Variants in MYBPC1 observed in about 807,000 individuals in gnomAD.
The protein encoded by MYBPC1 is myosin binding protein C1.
A neutral mutation model predicts 147.1 loss-of-function variants in MYBPC1; 52 were observed. The ratio of observed to expected loss-of-function variants is 0.35; its 90% confidence interval spans 0.28 to 0.45. MYBPC1 has a LOEUF of 0.45. MYBPC1 is among the 20% of genes least tolerant of loss of function. The pLI, the probability that MYBPC1 is intolerant of heterozygous loss-of-function variation, is 1.00. For synonymous variants in MYBPC1, 477 were observed against 475.9 expected (o/e 1.00, Z -0.03); for missense variants, 1,228 against 1,440.3 (o/e 0.85, Z 2.39).
At chr12:101,668,744 C>T (rs981251324) in intron 23 of MYBPC1, among the ~76,000 whole-genome samples, 2 of 152,096 alleles carry the variant, frequency 1.3e-5, no homozygotes, top group African/African-American at 4.8e-5. Context: ...GGATTACAGG[C>T]GTGAGCCACC....
At chr12:101,627,961 G>A (rs1194342717) in intron 5 of MYBPC1, 157 bp downstream of exon 5, 1 of 860,924 alleles carries the variant, frequency 1.2e-6, no homozygotes, top group Non-Finnish European at 1.9e-6. Flanking sequence ...GAAAACTAAT[G>A]TATTGAGAAA....
chr12:101,608,814 C>T (rs1159774114), intron 1 of MYBPC1, among the ~76,000 whole-genome samples: 4 of 152,148 alleles, frequency 2.6e-5, no homozygotes, highest in Non-Finnish European at 5.9e-5. Context: ...AAATGGAAGA[C>T]ATGTGTTGAC....
chr12:101,604,872 T>C (rs1179155084), intron 1 of MYBPC1, among the ~76,000 whole-genome samples: 1 of 152,226 alleles, frequency 6.6e-6, no homozygotes, highest in Non-Finnish European at 1.5e-5. Flanking sequence ...AGGTAATTAA[T>C]CTGGCTGAGT....
chr12:101,670,370 C>T lies in MYBPC1; in HGVS notation c.2574C>T (p.Arg858=), dbSNP rs1335924000. The T allele has an allele frequency of 6.2e-7, 1 of 1,614,068 alleles. No homozygotes were observed. The highest frequency in any genetic ancestry group is 8.5e-7 in the Non-Finnish European group (1 of 1,179,964). The change falls in exon 24 of 32, where the codon CGC becomes CGT. Residue 858 remains arginine, a synonymous_variant. Transcript: ENST00000361466. ...GACACCTGAAGCAAACCTATATCCG[C>T]AGAGTTGGAGAAGCTGTCAATCTGG... ...IPRHLKQTYI[R]RVGEAVNLVI...
chr12:101,672,420 G>A (rs2136690636), intron 24 of MYBPC1, among the ~76,000 whole-genome samples: 1 of 152,290 alleles, frequency 6.6e-6, no homozygotes, highest in African/African-American at 2.4e-5. Flanking sequence ...GGAAACTCAG[G>A]TTCATGAATG....
Position 101,642,424 on chromosome 12 carries a change from T to C in MYBPC1, c.671T>C (p.Val224Ala), listed in dbSNP as rs751492937. The C allele has an allele frequency of 2.5e-5, 40 of 1,613,742 alleles. 1 individual carries two copies. In the South Asian group the frequency reaches 4.3e-4, roughly 17 times the overall value. ...DFSGLLKRRE[V>A]KQQEEEPQVD... is the part of the protein sequence containing the mutation. The stretch of plus-strand genomic sequence containing the variant: ...CCATGGTTCTCCCCGGTTAGGGAGG[T>C]GAAGCAGCAGGAGGAAGAACCCCAG... Residue 224 changes from valine to alanine, a missense_variant, in exon 11 of 32, where the codon GTG (valine) becomes GCG (alanine). This residue lies in a region of MYBPC1 where 1,077 missense variants were observed against 1,314.2 expected (regional missense o/e 0.82). Coordinates refer to ENST00000361466, the MANE Select transcript of MYBPC1 (RefSeq NM_002465.4).
chr12:101,610,948 A>T (rs1299534876), intron 1 of MYBPC1, among the ~76,000 whole-genome samples: 2 of 152,156 alleles, frequency 1.3e-5, no homozygotes, highest in African/African-American at 2.4e-5. Context: ...CTCAGTTCCC[A>T]CTTGCAAAAT....
intron 10 of MYBPC1, 54 bp from the exon 11 acceptor site, chr12:101,642,365 G>A (rs1892224709): frequency 1.9e-6 from 3 of 1,581,294 alleles, no homozygotes; most frequent in South Asian, 2.2e-5. Flanking sequence ...CGACCTTCGT[G>A]GTCTCTAAGG....
At chr12:101,614,031 C>T (rs1270379576) in intron 1 of MYBPC1, among the ~76,000 whole-genome samples, 3 of 152,164 alleles carry the variant, frequency 2.0e-5, no homozygotes, top group Non-Finnish European at 2.9e-5. Flanking sequence ...TTAGACTCTA[C>T]GGGATATGCT....
At chr12:101,678,269 G>A (rs199884424) in intron 28 of MYBPC1, 31 bp downstream of exon 28, 64 of 1,611,698 alleles carry the variant, frequency 4.0e-5, no homozygotes, top group Admixed American at 1.2e-4. Context: ...ATCAGTTAAA[G>A]TCCCTGTCTT....
chr12:101,668,716 C>T (rs1027232800), intron 23 of MYBPC1, among the ~76,000 whole-genome samples: 12 of 152,140 alleles, frequency 7.9e-5, no homozygotes, highest in Non-Finnish European at 1.6e-4. Context: ...CCACCTGCCT[C>T]AGCCTCCCAA....
chr12:101,599,179 T>C (rs1378166576), intron 1 of MYBPC1, among the ~76,000 whole-genome samples: 2 of 152,198 alleles, frequency 1.3e-5, no homozygotes, highest in Admixed American at 6.5e-5. Flanking sequence ...TTCTGATAAC[T>C]TTAGGAAGCA....
At chr12:101,598,134 C>T (rs1878187765) in intron 1 of MYBPC1, among the ~76,000 whole-genome samples, 1 of 151,554 alleles carries the variant, frequency 6.6e-6, no homozygotes, top group South Asian at 2.1e-4. Flanking sequence ...ATTCTTGTGC[C>T]TCAGTATCTC....
intron 1 of MYBPC1, among the ~76,000 whole-genome samples, chr12:101,613,856 G>GCACC (rs2135794805): frequency 6.6e-6 from 1 of 152,258 alleles, no homozygotes; most frequent in South Asian, 2.1e-4. Flanking sequence ...CCAGTGAATT[G>GCACC]CACCGTCCTT....
At chr12:101,636,204 C>A (rs536696201) in intron 9 of MYBPC1, among the ~76,000 whole-genome samples, 21 of 152,140 alleles carry the variant, frequency 1.4e-4, no homozygotes, top group Admixed American at 3.9e-4. Context: ...AAGAGGTTAC[C>A]ATTGAATATA....
chr12:101,598,737 C>A (rs1207333123), intron 1 of MYBPC1, among the ~76,000 whole-genome samples: 1 of 152,070 alleles, frequency 6.6e-6, no homozygotes, highest in Admixed American at 6.5e-5. Flanking sequence ...TCATGCCCAG[C>A]TAATAGCTGA....
intron 3 of MYBPC1, among the ~76,000 whole-genome samples, chr12:101,621,301 AG>A (rs764932570): frequency 1.3e-5 from 2 of 152,224 alleles, no homozygotes; most frequent in African/African-American, 2.4e-5. Context: ...AGCCACTATT[AG>A]GCAAGATTGA....
chr12:101,682,497 A>G (rs1346191184), intron 29 of MYBPC1, 107 bp from the exon 30 acceptor site: 2 of 1,011,662 alleles, frequency 2.0e-6, no homozygotes, highest in East Asian at 2.5e-5. Context: ...TTATCATCAG[A>G]CTGTTACTCT....
intron 1 of MYBPC1, among the ~76,000 whole-genome samples, chr12:101,602,203 G>C (rs921498766): frequency 6.6e-6 from 1 of 151,968 alleles, no homozygotes; most frequent in African/African-American, 2.4e-5. Context: ...CAGGTAAAGT[G>C]CTTATTTTAT....
Sources: allele counts gnomAD v4.1 joint callset (sites outside exome capture counted in the v4.1 genomes callset), GRCh38; gene constraint gnomAD v4.1.1; regional missense constraint gnomAD v4.1.1; transcripts MANE v1.5; gene names NCBI Gene and HGNC (gene_info 2026-07-23, HGNC 2026-07-21).